MTAP: variants seen among roughly 807,000 people sequenced by gnomAD.
MTAP encodes S-methyl-5'-thioadenosine phosphorylase.
MTAP carries 33 observed loss-of-function variants against 33.6 expected under a neutral mutation model. The ratio of observed to expected loss-of-function variants is 0.98; its 90% CI spans 0.74 to 1.31. The LOEUF is 1.31. MTAP is among the 40% of genes most tolerant of loss of function. The probability of loss-of-function intolerance (pLI) is 0.00; values close to 1 mark genes in which losing one functional copy is unlikely to be tolerated. For missense variants in MTAP, 367 were observed against 360.0 expected (o/e 1.02, Z -0.16); for synonymous variants, 148 against 125.7 (o/e 1.18, Z -1.19).
chr9:21,852,501 C>G (rs1286201778), intron 5 of MTAP, among the ~76,000 whole-genome samples: 1 of 126,698 alleles, frequency 7.9e-6, no homozygotes, highest in South Asian at 2.6e-4. Flanking sequence ...CAGAGTGAGA[C>G]TCCATCTCAA....
Position 21,802,733 on chromosome 9 carries a change from C to A in MTAP, c.-16C>A, listed in dbSNP as rs1587186257. ...CCCGAGCGCTCGCCCACTGCAGATT[C>A]CTTTCCCGTGCAGACATGGCCTCTG... On this transcript the variant is annotated 5_prime_UTR_variant, in exon 1 of 8. Transcript: ENST00000644715. 6.2e-7 allele frequency: 1 copy of A among 1,612,906 alleles called. No homozygotes were observed.
At chr9:21,894,431 G>T (rs1171056217) in intron 1 of MTAP, among the ~76,000 whole-genome samples, 2 of 151,720 alleles carry the variant, frequency 1.3e-5, no homozygotes, top group African/African-American at 4.8e-5. Flanking sequence ...AAGAAATAAA[G>T]GTTTCCAAAT....
At chr9:21,835,988 C>G (rs1825095587) in intron 4 of MTAP, among the ~76,000 whole-genome samples, 1 of 152,018 alleles carries the variant, frequency 6.6e-6, no homozygotes, top group South Asian at 2.1e-4. Flanking sequence ...GGTTTTAAGC[C>G]CTTGCTTCTC....
rs751850371 is a variant in MTAP, at chr9:21,861,987, G to A, written c.825G>A (p.Gln275=). 1 of 1,597,012 alleles carries A rather than the reference G, an allele frequency of 6.3e-7. No individual in the cohort carries two copies. The highest frequency in any genetic ancestry group is 1.1e-5 in the South Asian group (1 of 90,694). Residue 275 remains glutamine (Q), a synonymous_variant, in exon 8 of 8, where the codon CAG becomes CAA. Coordinates refer to ENST00000644715, the MANE Select transcript of MTAP (RefSeq NM_002451.4). ...TTTCTTCCTTTCAGAATATGGCCCA[G>A]TTTTCTGTTTTATTACCAAGACATT... ...ETLHNLKNMA[Q]FSVLLPRH is the part of the protein sequence containing the mutation.
intron 1 of MTAP, among the ~76,000 whole-genome samples, chr9:21,909,467 G>T (rs1818532068): frequency 6.6e-6 from 1 of 152,052 alleles, no homozygotes; most frequent in Non-Finnish European, 1.5e-5. Flanking sequence ...TATAGAGCTT[G>T]GGCATTCTCA....
At chr9:21,822,141 C>G (rs1438151280) in intron 4 of MTAP, among the ~76,000 whole-genome samples, 1 of 152,074 alleles carries the variant, frequency 6.6e-6, no homozygotes, top group Non-Finnish European at 1.5e-5. Context: ...CAGTTCTTCT[C>G]TGATCTTAGT....
downstream of MTAP, among the ~76,000 whole-genome samples, chr9:21,940,097 C>A (rs1410588629): frequency 6.6e-6 from 1 of 152,278 alleles, no homozygotes; most frequent in East Asian, 1.9e-4. Flanking sequence ...GCCTGGCCAA[C>A]AGGACCCTTA....
At chr9:21,832,204 ATC>A (rs528923585) in intron 4 of MTAP, among the ~76,000 whole-genome samples, 17 of 152,172 alleles carry the variant, frequency 1.1e-4, no homozygotes, top group Non-Finnish European at 1.8e-4. Flanking sequence ...GTGCTGAGGG[ATC>A]AGTTATGTCA....
chr9:21,856,425 A>G (rs1259326060), intron 6 of MTAP, among the ~76,000 whole-genome samples: 1 of 152,188 alleles, frequency 6.6e-6, no homozygotes, highest in Non-Finnish European at 1.5e-5. Context: ...GCAAATTATT[A>G]CATTAAGTCA....
intron 5 of MTAP, among the ~76,000 whole-genome samples, chr9:21,848,774 G>A (rs1825440719): frequency 6.6e-6 from 1 of 152,094 alleles, no homozygotes; most frequent in African/African-American, 2.4e-5. Flanking sequence ...TCTAACTGTG[G>A]TAATGTCAGA....
chr9:21,868,116 A>G (rs979953939), downstream of MTAP, among the ~76,000 whole-genome samples: 11 of 152,194 alleles, frequency 7.2e-5, no homozygotes, highest in East Asian at 1.9e-4. Context: ...GGATGAATCA[A>G]GAGACTTAAA....
downstream of MTAP, chr9:21,935,213 G>A (rs1345912943): frequency 6.6e-6 from 1 of 152,082 alleles, no homozygotes; most frequent in Admixed American, 6.5e-5. Flanking sequence ...CAATTGAATT[G>A]TAAATAGAAT....
At chr9:21,836,109 A>G (rs1445128520) in intron 4 of MTAP, among the ~76,000 whole-genome samples, 2 of 152,126 alleles carry the variant, frequency 1.3e-5, no homozygotes, top group South Asian at 2.1e-4. Flanking sequence ...GTGAGCTGCT[A>G]TGAGTTATCT....
At chr9:21,859,693 G>A (rs1587255399) in intron 7 of MTAP, 1 of 275,420 alleles carries the variant, frequency 3.6e-6, no homozygotes, top group Non-Finnish European at 6.7e-6. Flanking sequence ...CTGCTCTGTA[G>A]TATCCCTAAG....
chr9:21,856,708 G>A (rs941251620), intron 6 of MTAP, among the ~76,000 whole-genome samples: 1 of 152,188 alleles, frequency 6.6e-6, no homozygotes, highest in African/African-American at 2.4e-5. Flanking sequence ...CTCTGTAAGT[G>A]GAAAGGCTTG....
At chr9:21,861,342 CAT>C (rs1825748538) in intron 7 of MTAP, 1 of 152,268 alleles carries the variant, frequency 6.6e-6, no homozygotes, top group African/African-American at 2.4e-5. Context: ...TACACACATA[CAT>C]ACATATACAC....
At chr9:21,875,428 T>A (rs1825992221) in intron 1 of MTAP, among the ~76,000 whole-genome samples, 1 of 152,180 alleles carries the variant, frequency 6.6e-6, no homozygotes, top group African/African-American at 2.4e-5. Flanking sequence ...CTTCGCCCAC[T>A]TTTTGATGGG....
chr9:21,871,563 C>T (rs1489076845), downstream of MTAP, among the ~76,000 whole-genome samples: 1 of 152,138 alleles, frequency 6.6e-6, no homozygotes, highest in Admixed American at 6.5e-5. Flanking sequence ...CCAGACTCTT[C>T]GGACATTACC....
chr9:21,894,962 G>A (rs144474817), intron 1 of MTAP, among the ~76,000 whole-genome samples: 283 of 152,168 alleles, frequency 1.9e-3, no homozygotes, highest in Admixed American at 4.5e-3. Flanking sequence ...TAGTAATACA[G>A]CTAACCAAGG....
Sources: gnomAD v4.1 joint callset for allele counts (sites outside exome capture counted in the v4.1 genomes callset) on GRCh38, gnomAD v4.1.1 for gene constraint, MANE v1.5 for transcripts, NCBI Gene and HGNC (gene_info 2026-07-23, HGNC 2026-07-21) for gene names.